Variants in ZEB1 observed in about 807,000 individuals in gnomAD.
ZEB1 encodes the protein zinc finger E-box-binding homeobox 1.
A neutral mutation model predicts 84.9 loss-of-function variants in ZEB1; 21 were observed. The ratio of observed to expected loss-of-function variants is 0.25; its 90% confidence interval spans 0.18 to 0.36. The LOEUF is 0.36. Ranked by LOEUF, ZEB1 falls within the 10% of genes least tolerant of loss-of-function variation. The pLI is 1.00. For missense variants in ZEB1, 1,104 were observed against 1,330.2 expected (o/e 0.83, Z 2.65); for synonymous variants, 420 against 471.1 (o/e 0.89, Z 1.41).
At chr10:31,500,443 A>C (rs967123046) in intron 3 of ZEB1, among the ~76,000 whole-genome samples, 7 of 152,054 alleles carry the variant, frequency 4.6e-5, no homozygotes, top group Non-Finnish European at 1.0e-4. Flanking sequence ...TTATATAGTT[A>C]ATTGCAGCTT....
Position 31,510,815 on chromosome 10 carries a change from C to T in ZEB1, c.627C>T (p.Thr209=). ...DNFSCSLCSY[T]FAYRTQLERH... ...TTAGTTGCTCCCTGTGCAGTTACAC[C>T]TTTGCATACAGAACCCAACTTGAAC... The change falls in exon 5 of 9, where the codon ACC becomes ACT. Residue 209 remains threonine (T), a synonymous_variant. Coordinates refer to ENST00000424869, the MANE Select transcript of ZEB1 (RefSeq NM_001174096.2). The T allele has an allele frequency of 6.2e-7, 1 of 1,613,938 alleles. No homozygotes were observed.
At chr10:31,362,627 C>T (rs969788014) in intron 1 of ZEB1, among the ~76,000 whole-genome samples, 2 of 152,100 alleles carry the variant, frequency 1.3e-5, no homozygotes, top group Non-Finnish European at 2.9e-5. Flanking sequence ...AGAGGCGCTC[C>T]TCACTGCCCA....
chr10:31,449,027 C>A (rs1428249888), intron 1 of ZEB1, among the ~76,000 whole-genome samples: 2 of 152,242 alleles, frequency 1.3e-5, no homozygotes, highest in Non-Finnish European at 2.9e-5. Context: ...TGCCGCCTTG[C>A]AGTTTGATCT....
chr10:31,364,777 T>C (rs2044133289), intron 1 of ZEB1, among the ~76,000 whole-genome samples: 1 of 152,240 alleles, frequency 6.6e-6, no homozygotes, highest in South Asian at 2.1e-4. Flanking sequence ...ATTCCACAGC[T>C]GGCGCTCTGG....
At chr10:31,331,665 C>A (rs2036820931) in intron 1 of ZEB1, among the ~76,000 whole-genome samples, 1 of 152,130 alleles carries the variant, frequency 6.6e-6, no homozygotes, top group Non-Finnish European at 1.5e-5. Context: ...GGTGCTTAAA[C>A]CAAGTCTTAA....
intron 8 of ZEB1, among the ~76,000 whole-genome samples, chr10:31,524,895 G>T (rs1159837079): frequency 1.3e-5 from 2 of 152,118 alleles, no homozygotes; most frequent in Admixed American, 1.3e-4. Flanking sequence ...TGGACTAGAA[G>T]ATTCTAAGAT....
intron 2 of ZEB1, among the ~76,000 whole-genome samples, chr10:31,488,944 A>G (rs763875278): frequency 6.6e-6 from 1 of 151,210 alleles, no homozygotes. Context: ...GAATTTCGTC[A>G]TTGGGGTGTG....
intron 1 of ZEB1, among the ~76,000 whole-genome samples, chr10:31,447,258 A>G (rs1298281134): frequency 6.7e-6 from 1 of 149,708 alleles, no homozygotes; most frequent in African/African-American, 2.5e-5. Flanking sequence ...TTAATTTTCC[A>G]TTTGCTTGGT....
chr10:31,445,607 TG>T (rs1482847314), intron 1 of ZEB1, among the ~76,000 whole-genome samples: 1 of 152,128 alleles, frequency 6.6e-6, no homozygotes, highest in Non-Finnish European at 1.5e-5. Context: ...CCTAATTTAT[TG>T]AGAGTTTTTA....
At chr10:31,369,292 G>A (rs1018903426) in intron 1 of ZEB1, among the ~76,000 whole-genome samples, 1 of 151,934 alleles carries the variant, frequency 6.6e-6, no homozygotes, top group African/African-American at 2.4e-5. Context: ...AACTTGCTAC[G>A]GAATAGATCT....
intron 5 of ZEB1, among the ~76,000 whole-genome samples, chr10:31,513,440 A>C (rs931567767): frequency 6.6e-6 from 1 of 152,224 alleles, no homozygotes; most frequent in Non-Finnish European, 1.5e-5. Flanking sequence ...CCAACTGGCA[A>C]TATCAAATAA....
chr10:31,449,208 G>C (rs948391287), intron 1 of ZEB1, among the ~76,000 whole-genome samples: 7 of 152,306 alleles, frequency 4.6e-5, no homozygotes. Context: ...TCTTTGACTC[G>C]GAAAGGGAAC....
chr10:31,483,320 A>G (rs1364723276), intron 2 of ZEB1, among the ~76,000 whole-genome samples: 1 of 152,018 alleles, frequency 6.6e-6, no homozygotes, highest in Non-Finnish European at 1.5e-5. Flanking sequence ...AATAAGGAAA[A>G]TGAGGCTCAG....
intron 1 of ZEB1, among the ~76,000 whole-genome samples, chr10:31,367,058 G>A (rs933727616): frequency 1.3e-5 from 2 of 152,036 alleles, no homozygotes; most frequent in African/African-American, 4.8e-5. Context: ...TGTTGAGCCC[G>A]GGACCTCTTA....
At chr10:31,512,923 G>A (rs776307729) in intron 5 of ZEB1, among the ~76,000 whole-genome samples, 4 of 152,116 alleles carry the variant, frequency 2.6e-5, no homozygotes, top group Non-Finnish European at 5.9e-5. Context: ...GAACCTGCTG[G>A]GCACACACTG....
intron 1 of ZEB1, among the ~76,000 whole-genome samples, chr10:31,454,376 A>G (rs567513359): frequency 6.6e-6 from 1 of 152,006 alleles, no homozygotes; most frequent in Non-Finnish European, 1.5e-5. Context: ...CTCTCTCACC[A>G]CTCCTATTCA....
intron 1 of ZEB1, among the ~76,000 whole-genome samples, chr10:31,444,870 T>A (rs964043411): frequency 6.6e-6 from 1 of 151,976 alleles, no homozygotes; most frequent in East Asian, 1.9e-4. Context: ...TTTGTTCTTT[T>A]GGCTTAGGAT....
In ZEB1 at chr10:31,466,114, C is replaced by G. The variant is rs117230001; in HGVS notation, c.259+4877C>G. Among the ~76,000 whole-genome samples, 27 of 152,048 alleles carry G rather than the reference C, an allele frequency of 1.8e-4. No individual in the cohort carries two copies. The East Asian group carries it at 5.0e-3, about 28-fold the overall frequency. On this transcript the variant is annotated intron_variant, in intron 2 of 8. Coordinates refer to ENST00000424869, the MANE Select transcript of ZEB1 (RefSeq NM_001174096.2). ...AATATATTTGCCACCAATTTTGGAG[C>G]ACATAAATATGTAAAGAAAAAATAT... is the stretch of plus-strand genomic sequence containing the variant.
At chr10:31,435,155 G>C (rs999990337) in intron 1 of ZEB1, among the ~76,000 whole-genome samples, 1 of 152,184 alleles carries the variant, frequency 6.6e-6, no homozygotes, top group Non-Finnish European at 1.5e-5. Flanking sequence ...AGAATGATGC[G>C]ACATGAGAAA....
Sources: gnomAD v4.1 joint callset for allele counts (sites outside exome capture counted in the v4.1 genomes callset) on GRCh38, gnomAD v4.1.1 for gene constraint, MANE v1.5 for transcripts, NCBI Gene and HGNC (gene_info 2026-07-23, HGNC 2026-07-21) for gene names.